The following FRAS1 variants were observed in gnomAD, a reference collection of about 807,000 sequenced individuals.
FRAS1 encodes the protein Fraser extracellular matrix complex subunit 1.
A neutral mutation model predicts 435.2 loss-of-function variants in FRAS1; 290 were observed. The observed-to-expected ratio is 0.67, with a 90% CI of 0.61 to 0.73. The LOEUF (loss-of-function observed/expected upper bound fraction) is 0.73. FRAS1 is among the 30% of genes least tolerant of loss of function. The pLI is 0.00. For missense variants in FRAS1, 4,860 were observed against 5,001.5 expected, an observed-to-expected ratio of 0.97 and a Z score of 0.85; for synonymous variants, 1,800 against 1,851.0, an observed-to-expected ratio of 0.97 and a Z score of 0.71.
intron 2 of FRAS1, among the ~76,000 whole-genome samples, chr4:78,167,639 T>A (rs970415187): frequency 1.3e-5 from 2 of 152,112 alleles, no homozygotes; most frequent in African/African-American, 4.8e-5. Flanking sequence ...GCCACATTTT[T>A]AAGGCACTGT....
At chr4:78,396,045 C>A (rs1732647546) in intron 29 of FRAS1, among the ~76,000 whole-genome samples, 1 of 151,784 alleles carries the variant, frequency 6.6e-6, no homozygotes, top group South Asian at 2.1e-4. Context: ...ATCATGATTG[C>A]CATGAGGGTT....
rs1209500792 is a variant in FRAS1, at chr4:78,194,079, T to C, written c.109-43431T>C. 3.9e-5 allele frequency among the ~76,000 whole-genome samples: 6 copies of C among 152,228 alleles called. No homozygotes were observed. In the South Asian group the frequency reaches 6.2e-4, roughly 16 times the overall value. On this transcript the variant is annotated intron_variant, in intron 2 of 73. Coordinates refer to ENST00000512123, the MANE Select transcript of FRAS1 (RefSeq NM_025074.7). ...ATTCTGGGTTGGAAATTCTTTTCTT[T>C]AAGAATGTTGAATATTGGCCCCCAC...
At position 78,448,198 on chromosome 4, in the gene FRAS1, C is replaced by A. The variant is rs1718913421; in HGVS notation, c.6156C>A (p.Phe2052Leu). 6.2e-7 allele frequency: 1 copy of A among 1,613,462 alleles called. No individual in the cohort carries two copies. The highest frequency in any genetic ancestry group is 8.5e-7 in the Non-Finnish European group (1 of 1,179,808). The change falls in exon 44 of 74, where the codon TTC (phenylalanine) becomes TTA (leucine). Residue 2052 changes from phenylalanine (F) to leucine (L), a missense_variant. By Grantham distance (22) the Phe-to-Leu change is conservative. Coordinates refer to ENST00000512123, the MANE Select transcript of FRAS1 (RefSeq NM_025074.7). ...TCCCTGGCATGGTCGTGGATGAGTT[C>A]CAGTTCTCCCTCACTGATGGCCTCC... ...PSVPGMVVDE[F>L]QFSLTDGLHV... is the part of the protein sequence containing the mutation.
chr4:78,499,167 A>G (rs1720600978), intron 60 of FRAS1, among the ~76,000 whole-genome samples: 1 of 152,178 alleles, frequency 6.6e-6, no homozygotes, highest in South Asian at 2.1e-4. Context: ...TTACCTATAT[A>G]GCTTGTAGGA....
Position 78,438,560 on chromosome 4 carries a change from G to A in FRAS1, c.5218-10G>A. The A allele has an allele frequency of 6.2e-7, 1 of 1,613,648 alleles. No individual in the cohort carries two copies. Among genetic ancestry groups the A allele is most frequent in the Non-Finnish European group, 8.5e-7 (1 of 1,179,722 alleles). ...TGCGTTCATGTCCTGCCTCATGTTTGCCTCATTAGGATGATTCTTCCCCCG... is the reference window on the plus strand; with the variant it reads ...TGCGTTCATGTCCTGCCTCATGTTTACCTCATTAGGATGATTCTTCCCCCG... On this transcript the variant is annotated splice_polypyrimidine_tract_variant and intron_variant, in intron 38 of 73. Coordinates refer to ENST00000512123, the MANE Select transcript of FRAS1 (RefSeq NM_025074.7).
chr4:78,448,156 T>TG lies in FRAS1; in HGVS notation c.6117dup (p.Tyr2040ValfsTer4). ...ACCAGGATATCCTAGCTGGGCTGGT[T>TG]GGGTATGTGCCTAGTGTCCCTGGCA... is the stretch of plus-strand genomic sequence containing the variant. On this transcript the variant is annotated frameshift_variant, in exon 44 of 74. Transcript: ENST00000512123. LOFTEE classifies it high-confidence loss of function. 6.2e-7 allele frequency: 1 copy of TG among 1,613,658 alleles called. No homozygotes were observed. The highest frequency in any genetic ancestry group is 8.5e-7 in the Non-Finnish European group (1 of 1,179,798).
At chr4:78,473,336 C>T (rs111431298) in intron 52 of FRAS1, 102 bp from the exon 53 acceptor site, 41 of 867,738 alleles carry the variant, frequency 4.7e-5, no homozygotes, top group African/African-American at 4.6e-4. Context: ...TAAGTTTTGT[C>T]TGTAATACAT....
At chr4:78,281,700 G>A (rs1727339173) in intron 11 of FRAS1, among the ~76,000 whole-genome samples, 1 of 152,080 alleles carries the variant, frequency 6.6e-6, no homozygotes, top group African/African-American at 2.4e-5. Flanking sequence ...TTCTTGTGAT[G>A]TTTTTCTCTC....
intron 1 of FRAS1, among the ~76,000 whole-genome samples, chr4:78,065,722 C>T (rs991670266): frequency 6.6e-6 from 1 of 152,108 alleles, no homozygotes; most frequent in African/African-American, 2.4e-5. Flanking sequence ...GTATTTATAG[C>T]ATGTCGTTAT....
At chr4:78,302,453 C>G (rs986544871) in intron 14 of FRAS1, among the ~76,000 whole-genome samples, 22 of 152,012 alleles carry the variant, frequency 1.4e-4, no homozygotes, top group South Asian at 2.1e-4. Context: ...AATGGGTGAA[C>G]TAGTTTACAG....
At chr4:78,404,953 T>A (rs1369718796) in intron 30 of FRAS1, among the ~76,000 whole-genome samples, 2 of 152,186 alleles carry the variant, frequency 1.3e-5, no homozygotes, top group Non-Finnish European at 2.9e-5. Context: ...AAACTAACAG[T>A]GACTCCCAGT....
intron 2 of FRAS1, among the ~76,000 whole-genome samples, chr4:78,089,988 T>C (rs932263692): frequency 1.3e-5 from 2 of 152,152 alleles, no homozygotes; most frequent in Non-Finnish European, 2.9e-5. Flanking sequence ...TTTCTGTCCC[T>C]ATGTTACGAA....
Position 78,164,806 on chromosome 4 carries a change from G to A in FRAS1, c.109-72704G>A, listed in dbSNP as rs190735576. ...AAAAAGTAACATCTTACTTTCTGGC[G>A]TCACTAGCCTAAACACAGTCTAAAG... On this transcript the variant is annotated intron_variant, in intron 2 of 73. Transcript: ENST00000512123. 2.5e-3 allele frequency among the ~76,000 whole-genome samples: 373 copies of A among 151,942 alleles called. 3 individuals are homozygous for A. Among genetic ancestry groups the A allele is most frequent in the African/African-American group, 8.4e-3 (349 of 41,426 alleles).
chr4:78,471,331 TG>T (rs376712571), intron 51 of FRAS1, among the ~76,000 whole-genome samples: 1 of 152,126 alleles, frequency 6.6e-6, no homozygotes, highest in African/African-American at 2.4e-5. Context: ...TATGTGTAGA[TG>T]TTGCACTATA....
At chr4:78,060,272 G>C (rs1197302744) in intron 1 of FRAS1, among the ~76,000 whole-genome samples, 2 of 152,162 alleles carry the variant, frequency 1.3e-5, no homozygotes, top group Non-Finnish European at 2.9e-5. Flanking sequence ...TAAGAGCATT[G>C]AGATCAAGGT....
intron 60 of FRAS1, among the ~76,000 whole-genome samples, chr4:78,497,215 G>A (rs1720533313): frequency 6.6e-6 from 1 of 152,062 alleles, no homozygotes; most frequent in Admixed American, 6.6e-5. Flanking sequence ...CAAAAGCTGA[G>A]ACAGAAATGC....
At chr4:78,435,032 T>C (rs1734361434) in intron 38 of FRAS1, among the ~76,000 whole-genome samples, 1 of 152,026 alleles carries the variant, frequency 6.6e-6, no homozygotes, top group African/African-American at 2.4e-5. Flanking sequence ...CTTAGTAAGC[T>C]GATTCTAAAA....
intron 4 of FRAS1, among the ~76,000 whole-genome samples, chr4:78,246,818 T>A (rs2110126071): frequency 6.6e-6 from 1 of 152,266 alleles, no homozygotes; most frequent in South Asian, 2.1e-4. Context: ...CAGTAAATCT[T>A]TGCATGGACC....
intron 57 of FRAS1, among the ~76,000 whole-genome samples, 151 bp downstream of exon 57, chr4:78,482,115 CT>C (rs1720030024): frequency 6.6e-6 from 1 of 152,132 alleles, no homozygotes; most frequent in Non-Finnish European, 1.5e-5. Flanking sequence ...AGAGAGTTAA[CT>C]TAGGAGGGGA....
Sources: allele counts gnomAD v4.1 joint callset (sites outside exome capture counted in the v4.1 genomes callset), GRCh38; gene constraint gnomAD v4.1.1; transcripts MANE v1.5; gene names NCBI Gene and HGNC (gene_info 2026-07-23, HGNC 2026-07-21).